SPINK9: variants seen among roughly 807,000 people sequenced by gnomAD.
SPINK9 encodes serine peptidase inhibitor Kazal type 9.
A neutral mutation model predicts 10.8 loss-of-function variants in SPINK9; 3 were observed. The observed-to-expected ratio is 0.28, with a 90% CI of 0.13 to 0.72. The LOEUF (loss-of-function observed/expected upper bound fraction) is 0.72, where lower values mean the gene tolerates loss of function less well. Ranked by LOEUF, SPINK9 falls within the 30% of genes least tolerant of loss-of-function variation. The pLI, the probability that SPINK9 is intolerant of heterozygous loss-of-function variation, is 0.74. For synonymous variants in SPINK9, 30 were observed against 31.2 expected (o/e 0.96, Z 0.12); for missense variants, 101 against 103.2 (o/e 0.98, Z 0.09).
chr5:148,338,791 T>A (rs1031989073), intron 3 of SPINK9, among the ~76,000 whole-genome samples, 186 bp downstream of exon 3: 3 of 152,098 alleles, frequency 2.0e-5, no homozygotes, highest in East Asian at 3.9e-4. Context: ...ATTCTGGAAG[T>A]AAGAGTGAAT....
intron 2 of SPINK9, among the ~76,000 whole-genome samples, chr5:148,336,904 A>G (rs910064857): frequency 6.6e-5 from 10 of 152,172 alleles, no homozygotes; most frequent in Admixed American, 4.6e-4. Flanking sequence ...AGGTTACAGT[A>G]ATGAGTATTG....
At chr5:148,331,128 G>C, upstream of SPINK9, among the ~76,000 whole-genome samples, 1 of 152,280 alleles carries the variant, frequency 6.6e-6, no homozygotes, top group South Asian at 2.1e-4. Context: ...CCAGTGAGAC[G>C]AACCCAGTAC....
At chr5:148,331,483 G>A (rs1757149595), upstream of SPINK9, among the ~76,000 whole-genome samples, 1 of 152,218 alleles carries the variant, frequency 6.6e-6, no homozygotes, top group African/African-American at 2.4e-5. Flanking sequence ...TCGGGAAGTG[G>A]AGAGGGAAAG....
chr5:148,322,641 G>C (rs1215297769), intron 1 of SPINK9, among the ~76,000 whole-genome samples: 1 of 152,122 alleles, frequency 6.6e-6, no homozygotes, highest in Non-Finnish European at 1.5e-5. Flanking sequence ...ATATGACCTA[G>C]TACGTATATC....
intron 1 of SPINK9, among the ~76,000 whole-genome samples, chr5:148,322,864 G>A (rs77451762): frequency 0.017 from 2,600 of 152,192 alleles, 70 homozygotes; most frequent in East Asian, 0.068. Flanking sequence ...TGTTGATAAT[G>A]CTGACCTTTT....
upstream of SPINK9, among the ~76,000 whole-genome samples, chr5:148,335,018 C>A (rs575432859): frequency 8.5e-5 from 13 of 152,110 alleles, no homozygotes; most frequent in South Asian, 2.1e-4. Context: ...TCAGCTATCT[C>A]TTTACTTTAG....
upstream of SPINK9, among the ~76,000 whole-genome samples, chr5:148,333,528 A>G (rs1012181916): frequency 5.9e-5 from 9 of 152,230 alleles, no homozygotes; most frequent in African/African-American, 2.2e-4. Context: ...AAATTCAGGG[A>G]CAGCTTATGC....
intron 2 of SPINK9, among the ~76,000 whole-genome samples, chr5:148,337,319 G>T (rs1757229750): frequency 6.6e-6 from 1 of 152,048 alleles, no homozygotes; most frequent in South Asian, 2.1e-4. Context: ...AGCCTCTAAG[G>T]TCCTCCTGCC....
chr5:148,331,071 G>A (rs538270146), upstream of SPINK9, among the ~76,000 whole-genome samples: 5 of 152,262 alleles, frequency 3.3e-5, no homozygotes, highest in East Asian at 3.9e-4. Flanking sequence ...TTCGGCTCAC[G>A]CACGGTGCGC....
chr5:148,321,832 A>G (rs944394846), intron 1 of SPINK9, among the ~76,000 whole-genome samples: 5 of 152,218 alleles, frequency 3.3e-5, no homozygotes, highest in Admixed American at 1.3e-4. Context: ...AGTTTGCAGT[A>G]ATCAATTTGT....
upstream of SPINK9, among the ~76,000 whole-genome samples, chr5:148,330,857 G>A (rs1482864634): frequency 6.6e-6 from 1 of 152,194 alleles, no homozygotes; most frequent in Non-Finnish European, 1.5e-5. Flanking sequence ...GGCTTATAGA[G>A]TTTCTCCATG....
At chr5:148,332,259 G>T (rs1757161199), upstream of SPINK9, among the ~76,000 whole-genome samples, 1 of 152,206 alleles carries the variant, frequency 6.6e-6, no homozygotes, top group Non-Finnish European at 1.5e-5. Context: ...ACTTCAGAAT[G>T]TTAAATGCCA....
At chr5:148,326,276 A>G (rs1757058600) in intron 2 of SPINK9, among the ~76,000 whole-genome samples, 1 of 152,186 alleles carries the variant, frequency 6.6e-6, no homozygotes, top group Non-Finnish European at 1.5e-5. Context: ...AGAAAAAGGA[A>G]TATGTACACT....
At chr5:148,334,538 C>T (rs938819487), upstream of SPINK9, among the ~76,000 whole-genome samples, 16 of 152,016 alleles carry the variant, frequency 1.1e-4, no homozygotes, top group South Asian at 2.1e-4. Context: ...TGGTGAAATC[C>T]GGTCTGTACT....
chr5:148,333,300 C>A (rs72834755), upstream of SPINK9, among the ~76,000 whole-genome samples: 3 of 152,190 alleles, frequency 2.0e-5, no homozygotes, highest in Non-Finnish European at 2.9e-5. Flanking sequence ...CCCAAAATTG[C>A]GGCTTAGCCA....
intron 2 of SPINK9, among the ~76,000 whole-genome samples, chr5:148,338,218 C>T (rs1757242982): frequency 6.6e-6 from 1 of 151,958 alleles, no homozygotes; most frequent in East Asian, 1.9e-4. Context: ...ATACATCAAC[C>T]AGTATTGTGA....
chr5:148,329,525 A>G (rs980103682), intron 2 of SPINK9, among the ~76,000 whole-genome samples: 7 of 152,058 alleles, frequency 4.6e-5, no homozygotes, highest in Non-Finnish European at 8.8e-5. Flanking sequence ...CTCTGATCTT[A>G]GTTATTTCTT....
chr5:148,322,089 C>T (rs1757005757), intron 1 of SPINK9, among the ~76,000 whole-genome samples: 1 of 152,040 alleles, frequency 6.6e-6, no homozygotes, highest in African/African-American at 2.4e-5. Context: ...TATAGAAAAC[C>T]ACAAAGTTAG....
chr5:148,332,972 T>C (rs1475578501), upstream of SPINK9, among the ~76,000 whole-genome samples: 1 of 152,184 alleles, frequency 6.6e-6, no homozygotes, highest in African/African-American at 2.4e-5. Flanking sequence ...GAGTCTTAAA[T>C]AAGGTTCCCA....
Sources: gnomAD v4.1 joint callset for allele counts (sites outside exome capture counted in the v4.1 genomes callset) on GRCh38, gnomAD v4.1.1 for gene constraint, MANE v1.5 for transcripts, NCBI Gene and HGNC (gene_info 2026-07-23, HGNC 2026-07-21) for gene names.